Variants in CNTN5 observed in about 807,000 individuals in gnomAD.
CNTN5 encodes contactin 5.
CNTN5 carries 77 observed loss-of-function variants against 129.1 expected under a neutral mutation model. The ratio of observed to expected loss-of-function variants is 0.60; its 90% CI spans 0.50 to 0.72. The LOEUF (loss-of-function observed/expected upper bound fraction) is 0.72, where lower values mean the gene tolerates loss of function less well. CNTN5 is among the 30% of genes least tolerant of loss of function. CNTN5 has a pLI of 0.00. For missense variants in CNTN5, 1,478 were observed against 1,328.8 expected (o/e 1.11, Z -1.75); for synonymous variants, 509 against 465.6 (o/e 1.09, Z -1.20).
intron 3 of CNTN5, among the ~76,000 whole-genome samples, chr11:99,686,514 A>G (rs1306972383): frequency 6.6e-6 from 1 of 152,088 alleles, no homozygotes; most frequent in Non-Finnish European, 1.5e-5. Context: ...TAACTTTTTA[A>G]TTAGAATATT....
At position 99,181,682 on chromosome 11, in the gene CNTN5, G is replaced by T. The variant is rs371142057; in HGVS notation, c.-209-143664G>T. ...AGGGGAGGATGCATTATTTTTCTTC[G>T]TTAGGAAATAGTACTATGCCTTCAT... is the stretch of plus-strand genomic sequence containing the variant. On this transcript the variant is annotated intron_variant, in intron 1 of 24. Coordinates refer to ENST00000524871, the MANE Select transcript of CNTN5 (RefSeq NM_014361.4). 5.3e-5 allele frequency among the ~76,000 whole-genome samples: 8 copies of T among 152,180 alleles called. No individual in the cohort carries two copies. In the East Asian group the frequency reaches 1.4e-3, roughly 26 times the overall value.
At chr11:99,209,795 A>C (rs1397606248) in intron 1 of CNTN5, among the ~76,000 whole-genome samples, 1 of 152,214 alleles carries the variant, frequency 6.6e-6, no homozygotes, top group Non-Finnish European at 1.5e-5. Context: ...GCCAATGAAC[A>C]GACACTAAAT....
chr11:99,069,537 A>G (rs896672364), intron 1 of CNTN5, among the ~76,000 whole-genome samples: 1 of 152,120 alleles, frequency 6.6e-6, no homozygotes, highest in African/African-American at 2.4e-5. Flanking sequence ...ATGCATTGCA[A>G]TGTGATTATT....
rs183187489 is a variant in CNTN5 at position 99,611,347 on chromosome 11, C to G, written c.55+55078C>G. Among the ~76,000 whole-genome samples the G allele has an allele frequency of 2.1e-3, 321 of 152,244 alleles. 1 individual carries two copies. The highest frequency in any genetic ancestry group is 7.0e-3 in the African/African-American group (291 of 41,562). On this transcript the variant is annotated intron_variant, in intron 3 of 24. Coordinates refer to ENST00000524871, the MANE Select transcript of CNTN5 (RefSeq NM_014361.4). The stretch of plus-strand genomic sequence containing the variant: ...ACCCACCAGTATTTAGAGATTCCCC[C>G]AAACAGATATAATTCATCTGAGTAA...
intron 18 of CNTN5, among the ~76,000 whole-genome samples, chr11:100,271,805 G>A (rs1243916272): frequency 6.6e-6 from 1 of 152,122 alleles, no homozygotes; most frequent in Non-Finnish European, 1.5e-5. Flanking sequence ...TTTAGAAAAA[G>A]CATATCTGAT....
intron 9 of CNTN5, among the ~76,000 whole-genome samples, chr11:100,019,748 T>C (rs1400644787): frequency 6.6e-6 from 1 of 151,982 alleles, no homozygotes; most frequent in Admixed American, 6.6e-5. Flanking sequence ...ATTTTTAGTT[T>C]TTGAGAAATC....
At chr11:100,337,323 T>A in intron 21 of CNTN5, 1 of 937,658 alleles carries the variant, frequency 1.1e-6, no homozygotes, top group Non-Finnish European at 1.8e-6. Flanking sequence ...GAGTTCACCA[T>A]ACATATTCTG....
At chr11:99,828,436 A>G (rs991073526) in intron 4 of CNTN5, among the ~76,000 whole-genome samples, 1 of 152,160 alleles carries the variant, frequency 6.6e-6, no homozygotes, top group Non-Finnish European at 1.5e-5. Flanking sequence ...TATGGTGAAG[A>G]TGGAAGGGCA....
chr11:99,089,225 T>C (rs1377400357), intron 1 of CNTN5, among the ~76,000 whole-genome samples: 3 of 152,226 alleles, frequency 2.0e-5, no homozygotes, highest in Admixed American at 6.5e-5. Flanking sequence ...ATATCTAGTA[T>C]ACAAATATTT....
At chr11:100,112,565 C>T (rs1050979942) in intron 13 of CNTN5, among the ~76,000 whole-genome samples, 6 of 152,054 alleles carry the variant, frequency 3.9e-5, no homozygotes, top group African/African-American at 1.2e-4. Flanking sequence ...CTTAGAGATA[C>T]GGTAGGGTGC....
At chr11:99,806,193 A>C (rs1284814136) in intron 3 of CNTN5, among the ~76,000 whole-genome samples, 1 of 152,144 alleles carries the variant, frequency 6.6e-6, no homozygotes, top group African/African-American at 2.4e-5. Context: ...TCCAATGACA[A>C]ACTAATCTTC....
chr11:99,083,045 C>CAT (rs1865871003), intron 1 of CNTN5, among the ~76,000 whole-genome samples: 2 of 152,020 alleles, frequency 1.3e-5, no homozygotes, highest in Non-Finnish European at 2.9e-5. Context: ...CACACACACA[C>CAT]ACACACACAC....
At chr11:99,629,075 G>GA (rs999398065) in intron 3 of CNTN5, among the ~76,000 whole-genome samples, 5 of 151,900 alleles carry the variant, frequency 3.3e-5, no homozygotes, top group African/African-American at 7.3e-5. Flanking sequence ...AATACTCACA[G>GA]AAAAAACAAT....
intron 13 of CNTN5, among the ~76,000 whole-genome samples, chr11:100,124,982 T>C (rs566410566): frequency 6.6e-6 from 1 of 152,180 alleles, no homozygotes; most frequent in Non-Finnish European, 1.5e-5. Context: ...TCCTCATAAT[T>C]TCTGATTCTG....
At chr11:99,822,380 T>A (rs1946828939) in intron 4 of CNTN5, among the ~76,000 whole-genome samples, 1 of 152,192 alleles carries the variant, frequency 6.6e-6, no homozygotes, top group Non-Finnish European at 1.5e-5. Flanking sequence ...GGATACGTTG[T>A]ATTATTTTTA....
rs2138703141 is a variant in CNTN5, at chr11:100,248,479, A to T, written c.2006-7281A>T. 1.3e-5 allele frequency among the ~76,000 whole-genome samples: 2 copies of T among 152,188 alleles called. 1 individual carries two copies. Among genetic ancestry groups the T allele is most frequent in the East Asian group, 3.9e-4 (2 of 5,168 alleles). On this transcript the variant is annotated intron_variant, in intron 16 of 24. Coordinates refer to ENST00000524871, the MANE Select transcript of CNTN5 (RefSeq NM_014361.4). ...GAGGATCGCTTGAGTCCAGGAGGTCAAAGCAAGAGTGAGCTAGGATCATGC... is the reference window on the plus strand; with the variant it reads ...GAGGATCGCTTGAGTCCAGGAGGTCTAAGCAAGAGTGAGCTAGGATCATGC...
chr11:99,251,332 T>C (rs1379469729), intron 1 of CNTN5, among the ~76,000 whole-genome samples: 1 of 151,962 alleles, frequency 6.6e-6, no homozygotes, highest in Non-Finnish European at 1.5e-5. Context: ...CATAAGATAA[T>C]GCCTCCAGGT....
rs576126955 is a variant in CNTN5 at position 99,455,228 on chromosome 11, G to A, written c.-70-100917G>A. 7.9e-5 allele frequency among the ~76,000 whole-genome samples: 12 copies of A among 152,184 alleles called. No individual in the cohort carries two copies. In the South Asian group the frequency reaches 2.3e-3, roughly 29 times the overall value. Reference sequence around the variant, plus strand: ...ATATGATCTTAAAGTGAAAGATCACGTGGTTCTCAAATAAATTAGCTACAA... The same window carrying A: ...ATATGATCTTAAAGTGAAAGATCACATGGTTCTCAAATAAATTAGCTACAA... On this transcript the variant is annotated intron_variant, in intron 2 of 24. Coordinates refer to ENST00000524871, the MANE Select transcript of CNTN5 (RefSeq NM_014361.4).
At chr11:99,114,489 T>C (rs537840296) in intron 1 of CNTN5, among the ~76,000 whole-genome samples, 1 of 150,160 alleles carries the variant, frequency 6.7e-6, no homozygotes, top group Non-Finnish European at 1.5e-5. Flanking sequence ...TTCTTCTTCT[T>C]CCTTCTTTTT....
Sources: gnomAD v4.1 joint callset for allele counts (sites outside exome capture counted in the v4.1 genomes callset) on GRCh38, gnomAD v4.1.1 for gene constraint, MANE v1.5 for transcripts, NCBI Gene and HGNC (gene_info 2026-07-23, HGNC 2026-07-21) for gene names.